Variants in APBA2 observed in about 807,000 individuals in gnomAD.
APBA2 encodes amyloid beta precursor protein binding family A member 2, also known as amyloid-beta A4 precursor protein-binding family A member 2.
In APBA2, 30 loss-of-function variants were observed where a neutral mutation model predicts 75.0. The ratio of observed to expected loss-of-function variants is 0.40; its 90% CI spans 0.30 to 0.54. The LOEUF is 0.54. Ranked by LOEUF, APBA2 falls within the 20% of genes least tolerant of loss-of-function variation. The pLI, the probability that APBA2 is intolerant of heterozygous loss-of-function variation, is 0.49. For synonymous variants in APBA2, 444 were observed against 409.6 expected, an observed-to-expected ratio of 1.08 and a Z score of -1.01; for missense variants, 801 against 1,016.1, an observed-to-expected ratio of 0.79 and a Z score of 2.88.
chr15:29,074,861 T>C, intron 4 of APBA2, 60 bp from the exon 5 acceptor site: 1 of 1,517,320 alleles, frequency 6.6e-7, no homozygotes, highest in Non-Finnish European at 9.1e-7. Flanking sequence ...CATATTCAGG[T>C]TTTGCATCTT....
chr15:28,955,976 C>A (rs1167917636), intron 2 of APBA2, among the ~76,000 whole-genome samples: 1 of 152,304 alleles, frequency 6.6e-6, no homozygotes, highest in East Asian at 1.9e-4. Flanking sequence ...CAGTCTCAGG[C>A]CCCACCCTGG....
intron 1 of APBA2, among the ~76,000 whole-genome samples, chr15:28,921,344 C>A (rs1446220999): frequency 6.6e-6 from 1 of 152,190 alleles, no homozygotes; most frequent in Non-Finnish European, 1.5e-5. Context: ...TACCTGTGGC[C>A]CGAAATCATT....
At position 29,118,231 on chromosome 15, in the gene APBA2, A is replaced by G. The variant is rs993369784; in HGVS notation, c.*1098A>G. The G allele has an allele frequency of 6.6e-6, 1 of 152,610 alleles. No homozygotes were observed. Among genetic ancestry groups the G allele is most frequent in the Non-Finnish European group, 1.5e-5 (1 of 68,054 alleles). 9.5% of individuals were successfully genotyped at this position (152,610 alleles called of 1,614,324 possible). On this transcript the variant is annotated 3_prime_UTR_variant, in exon 15 of 15. Transcript: ENST00000683413. ...GTAACTAAAGCTTTAGGATGACTGT[A>G]TTCGAGGAGTGCCGTGTGTTGCATG... is the stretch of plus-strand genomic sequence containing the variant.
chr15:28,896,189 A>G (rs999073343), intron 1 of APBA2, among the ~76,000 whole-genome samples: 3 of 152,096 alleles, frequency 2.0e-5, no homozygotes, highest in African/African-American at 7.2e-5. Context: ...CTGTGAGTAG[A>G]CCTTTCTGTC....
In APBA2 at chr15:29,108,254, T is replaced by C. The variant is rs531400411; in HGVS notation, c.1918-16T>C. On this transcript the variant is annotated splice_polypyrimidine_tract_variant and intron_variant, in intron 12 of 14. Transcript: ENST00000683413. ...TCTAAGGCCCAGCCTGTGACTCCTGTCCCCGTGCTCTGCAGGGCCTGAAGA... is the reference window on the plus strand; with the variant it reads ...TCTAAGGCCCAGCCTGTGACTCCTGCCCCCGTGCTCTGCAGGGCCTGAAGA... 1 of 1,613,610 alleles carries C rather than the reference T, an allele frequency of 6.2e-7. No homozygotes were observed. Among genetic ancestry groups the C allele is most frequent in the African/African-American group, 1.3e-5 (1 of 75,056 alleles).
At chr15:29,109,307 A>T (rs2044606054) in intron 13 of APBA2, among the ~76,000 whole-genome samples, 1 of 152,228 alleles carries the variant, frequency 6.6e-6, no homozygotes, top group South Asian at 2.1e-4. Flanking sequence ...GTGGAGTCCC[A>T]GGGCTTGGGT....
intron 1 of APBA2, among the ~76,000 whole-genome samples, chr15:28,891,456 G>GC (rs1158705341): frequency 6.6e-6 from 1 of 152,156 alleles, no homozygotes; most frequent in Admixed American, 6.5e-5. Context: ...AAGTACAGAG[G>GC]CTAATTTTCA....
chr15:29,108,387 A>G lies in APBA2; in HGVS notation c.2035A>G (p.Ile679Val). The G allele has an allele frequency of 1.2e-6, 2 of 1,613,972 alleles. No individual in the cohort carries two copies. The highest frequency in any genetic ancestry group is 1.1e-5 in the South Asian group (1 of 91,086). ...YQLGFSVQNG[I>V]ICSLMRGGIA... Reference sequence around the variant, plus strand: ...GCTGGGCTTCAGCGTGCAGAATGGAATTGTGAGTTCCCCCTCCTGCTCTGG... The same window carrying G: ...GCTGGGCTTCAGCGTGCAGAATGGAGTTGTGAGTTCCCCCTCCTGCTCTGG... The change falls in exon 13 of 15, where the codon ATT becomes GTT. Residue 679 changes from isoleucine to valine, a missense_variant and splice_region_variant. Physicochemically the swap from Ile to Val is conservative, Grantham distance 29. Transcript: ENST00000683413.
chr15:29,061,634 T>C (rs1396258090), intron 4 of APBA2, among the ~76,000 whole-genome samples: 7 of 152,202 alleles, frequency 4.6e-5, no homozygotes, highest in Non-Finnish European at 7.3e-5. Flanking sequence ...CATTGCTCAT[T>C]GTAGAGATGC....
intron 12 of APBA2, among the ~76,000 whole-genome samples, chr15:29,108,031 G>C (rs1744119652): frequency 6.6e-6 from 1 of 152,214 alleles, no homozygotes; most frequent in Admixed American, 6.5e-5. Flanking sequence ...GAGGCACCCT[G>C]CGCATGGTGG....
intron 13 of APBA2, among the ~76,000 whole-genome samples, chr15:29,113,280 C>T (rs2044841079): frequency 6.6e-6 from 1 of 151,950 alleles, no homozygotes; most frequent in Non-Finnish European, 1.5e-5. Context: ...GCCTGGGTGA[C>T]AGAATGAGAC....
At chr15:29,097,787 G>A (rs1236537281) in intron 8 of APBA2, among the ~76,000 whole-genome samples, 1 of 152,176 alleles carries the variant, frequency 6.6e-6, no homozygotes. Flanking sequence ...GGAGCTTTGT[G>A]TCCGTGGACC....
chr15:29,090,720 A>G (rs1194223927), intron 6 of APBA2, among the ~76,000 whole-genome samples: 1 of 152,168 alleles, frequency 6.6e-6, no homozygotes, highest in Non-Finnish European at 1.5e-5. Flanking sequence ...GTGGTCAATG[A>G]GAGCCACTGC....
intron 14 of APBA2, among the ~76,000 whole-genome samples, chr15:29,116,277 C>T (rs2045125094): frequency 6.6e-6 from 1 of 152,090 alleles, no homozygotes; most frequent in Non-Finnish European, 1.5e-5. Context: ...GCCCTGGGCC[C>T]CAGCGAGCCT....
chr15:29,116,983 G>A, intron 14 of APBA2, 79 bp from the exon 15 acceptor site: 1 of 1,460,340 alleles, frequency 6.8e-7, no homozygotes, highest in South Asian at 1.1e-5. Flanking sequence ...TGGGGGGTTT[G>A]CCTCTGTCCT....
Position 29,066,004 on chromosome 15 carries a change from G to A in APBA2, c.952-8917G>A, listed in dbSNP as rs149940276. Reference sequence around the variant, plus strand: ...ACGTCAGGGTGGAGGCTGTTGCTGTGTGTGGCGGCATCAGTCATTTACCCT... The same window carrying A: ...ACGTCAGGGTGGAGGCTGTTGCTGTATGTGGCGGCATCAGTCATTTACCCT... On this transcript the variant is annotated intron_variant, in intron 4 of 14. Coordinates refer to ENST00000683413, the MANE Select transcript of APBA2 (RefSeq NM_001353788.2). Among the ~76,000 whole-genome samples, 39 of 152,314 alleles carry A rather than the reference G, an allele frequency of 2.6e-4. No individual in the cohort carries two copies. In the East Asian group the frequency reaches 7.1e-3, roughly 28 times the overall value.
intron 8 of APBA2, among the ~76,000 whole-genome samples, chr15:29,095,435 G>A (rs373696659): frequency 2.0e-5 from 3 of 150,652 alleles, no homozygotes; most frequent in Non-Finnish European, 2.9e-5. Context: ...CATCTCAAAA[G>A]AAAAAAAAAA....
At chr15:29,052,230 C>T (rs956194174) in intron 3 of APBA2, among the ~76,000 whole-genome samples, 8 of 151,792 alleles carry the variant, frequency 5.3e-5, no homozygotes, top group East Asian at 3.9e-4. Context: ...CCGAGGTGGG[C>T]GGATCACGAG....
intron 1 of APBA2, among the ~76,000 whole-genome samples, chr15:28,908,361 A>T (rs1049369146): frequency 6.9e-6 from 1 of 145,038 alleles, no homozygotes; most frequent in Admixed American, 6.7e-5. Flanking sequence ...CCCAGGCTGG[A>T]GTACAGTGGC....
Sources: allele counts gnomAD v4.1 joint callset (sites outside exome capture counted in the v4.1 genomes callset), GRCh38; gene constraint gnomAD v4.1.1; transcripts MANE v1.5; gene names NCBI Gene and HGNC (gene_info 2026-07-23, HGNC 2026-07-21).